SORCS2: variants seen among roughly 807,000 people sequenced by gnomAD.
SORCS2 encodes sortilin related VPS10 domain containing receptor 2.
In SORCS2, 100 loss-of-function variants were observed where a neutral mutation model predicts 141.6. That is an observed-to-expected ratio of 0.71 (90% confidence interval 0.60 to 0.83). SORCS2 has a LOEUF of 0.83. SORCS2 is among the 40% of genes least tolerant of loss of function. SORCS2 has a pLI of 0.00. For synonymous variants in SORCS2, 789 were observed against 676.9 expected, an observed-to-expected ratio of 1.17 and a Z score of -2.57; for missense variants, 1,646 against 1,560.2, an observed-to-expected ratio of 1.05 and a Z score of -0.93.
At chr4:7,571,686 TG>T (rs1040090695) in intron 3 of SORCS2, among the ~76,000 whole-genome samples, 2 of 151,734 alleles carry the variant, frequency 1.3e-5, no homozygotes, top group Admixed American at 1.3e-4. Flanking sequence ...CCGAAGAAAT[TG>T]GGGGCCTGTG....
intron 11 of SORCS2, among the ~76,000 whole-genome samples, chr4:7,693,269 C>A (rs1030892245): frequency 2.0e-5 from 3 of 152,212 alleles, no homozygotes; most frequent in African/African-American, 7.2e-5. Flanking sequence ...CTGAGTTATA[C>A]CCTGTGAGAT....
At chr4:7,208,032 C>T (rs993908883) in intron 1 of SORCS2, among the ~76,000 whole-genome samples, 2 of 152,110 alleles carry the variant, frequency 1.3e-5, no homozygotes, top group Non-Finnish European at 2.9e-5. Context: ...AGGATCCCAC[C>T]TCCCCCAGTG....
In SORCS2 at chr4:7,357,153, C is replaced by T. The variant is rs571024755; in HGVS notation, c.481-39135C>T. Reference sequence around the variant, plus strand: ...GTGCAGCCACACTTCCTCCTCCACCCGTGACCTTGAGTGTACAGCTGGGGT... The same window carrying T: ...GTGCAGCCACACTTCCTCCTCCACCTGTGACCTTGAGTGTACAGCTGGGGT... On this transcript the variant is annotated intron_variant, in intron 1 of 26. Coordinates refer to ENST00000507866, the MANE Select transcript of SORCS2 (RefSeq NM_020777.3). Among the ~76,000 whole-genome samples, 9 of 152,266 alleles carry T rather than the reference C, an allele frequency of 5.9e-5. No individual in the cohort carries two copies. The East Asian group carries it at 1.4e-3, about 23-fold the overall frequency.
intron 4 of SORCS2, 39 bp downstream of exon 4, chr4:7,638,531 TG>T: frequency 1.9e-6 from 3 of 1,578,704 alleles, no homozygotes; most frequent in East Asian, 2.3e-5. Flanking sequence ...TCTGTGGGGC[TG>T]GGGTCTGCTC....
At chr4:7,606,651 T>C (rs1221282933) in intron 3 of SORCS2, among the ~76,000 whole-genome samples, 4 of 152,122 alleles carry the variant, frequency 2.6e-5, no homozygotes, top group Non-Finnish European at 5.9e-5. Flanking sequence ...TGTTTGGGTC[T>C]GCATTATCCT....
At chr4:7,627,193 C>T (rs1469687677) in intron 3 of SORCS2, among the ~76,000 whole-genome samples, 1 of 152,146 alleles carries the variant, frequency 6.6e-6, no homozygotes, top group Non-Finnish European at 1.5e-5. Flanking sequence ...CCTTGTTGCC[C>T]AGGCTGGTCT....
chr4:7,704,051 A>G, intron 13 of SORCS2, 126 bp from the exon 14 acceptor site: 2 of 738,348 alleles, frequency 2.7e-6, no homozygotes, highest in South Asian at 3.0e-5. Context: ...CAGATGTGGT[A>G]TCACCTGCAC....
intron 3 of SORCS2, among the ~76,000 whole-genome samples, chr4:7,555,080 G>C (rs997417298): frequency 2.6e-5 from 4 of 152,180 alleles, no homozygotes; most frequent in African/African-American, 9.7e-5. Flanking sequence ...TCCTTGTTCA[G>C]GTTTCTCTCT....
chr4:7,697,469 C>T (rs1470224223), intron 12 of SORCS2, among the ~76,000 whole-genome samples, 195 bp downstream of exon 12: 3 of 152,234 alleles, frequency 2.0e-5, no homozygotes, highest in African/African-American at 7.2e-5. Flanking sequence ...GTTTGAAAAG[C>T]AAGTCCAGGC....
At chr4:7,350,279 A>G (rs1339623550) in intron 1 of SORCS2, among the ~76,000 whole-genome samples, 2 of 152,226 alleles carry the variant, frequency 1.3e-5, no homozygotes, top group Non-Finnish European at 2.9e-5. Flanking sequence ...AGCATCCACA[A>G]TTAGGGGACA....
intron 1 of SORCS2, among the ~76,000 whole-genome samples, chr4:7,352,010 C>A (rs1371635909): frequency 1.3e-5 from 2 of 152,056 alleles, no homozygotes; most frequent in African/African-American, 2.4e-5. Context: ...ACCCATCCAC[C>A]CCTTAATCCA....
chr4:7,710,132 G>A (rs1455606578), intron 14 of SORCS2, among the ~76,000 whole-genome samples: 2 of 152,198 alleles, frequency 1.3e-5, no homozygotes, highest in East Asian at 1.9e-4. Flanking sequence ...GCTCAGAACA[G>A]CGGTGAGACT....
intron 2 of SORCS2, among the ~76,000 whole-genome samples, chr4:7,458,705 G>A (rs549572243): frequency 6.6e-6 from 1 of 152,298 alleles, no homozygotes; most frequent in South Asian, 2.1e-4. Context: ...AGGTGACCGA[G>A]ACAAGGTCCC....
At chr4:7,555,602 C>A (rs1435423150) in intron 3 of SORCS2, among the ~76,000 whole-genome samples, 2 of 152,234 alleles carry the variant, frequency 1.3e-5, no homozygotes, top group Non-Finnish European at 2.9e-5. Flanking sequence ...ACAGACATAG[C>A]CCCTGCTCTC....
chr4:7,258,773 A>G (rs966753126), intron 1 of SORCS2, among the ~76,000 whole-genome samples: 6 of 152,194 alleles, frequency 3.9e-5, no homozygotes, highest in African/African-American at 1.4e-4. Flanking sequence ...ACGGTGGGAA[A>G]CATCCTCTCC....
chr4:7,731,875 C>T (rs75325750), intron 23 of SORCS2, among the ~76,000 whole-genome samples: 3 of 152,160 alleles, frequency 2.0e-5, no homozygotes, highest in Non-Finnish European at 2.9e-5. Context: ...TAGTGAAAAA[C>T]TATGCATCAG....
At chr4:7,701,156 C>T (rs532803972) in intron 12 of SORCS2, among the ~76,000 whole-genome samples, 1 of 151,642 alleles carries the variant, frequency 6.6e-6, no homozygotes, top group Non-Finnish European at 1.5e-5. Context: ...ACCTGACAGA[C>T]CCCCACTCTA....
At chr4:7,633,814 G>A (rs1192057094) in intron 3 of SORCS2, among the ~76,000 whole-genome samples, 9 of 59,528 alleles carry the variant, frequency 1.5e-4, no homozygotes, top group African/African-American at 3.2e-4. Flanking sequence ...CGGGATTAAC[G>A]GCCAGCTCCG....
At chr4:7,239,532 A>G (rs767190989) in intron 1 of SORCS2, among the ~76,000 whole-genome samples, 5 of 152,120 alleles carry the variant, frequency 3.3e-5, no homozygotes, top group Non-Finnish European at 7.3e-5. Context: ...AGCTACTGTC[A>G]CCAGGCTGCT....
Sources: gnomAD v4.1 joint callset for allele counts (sites outside exome capture counted in the v4.1 genomes callset) on GRCh38, gnomAD v4.1.1 for gene constraint, MANE v1.5 for transcripts, NCBI Gene and HGNC (gene_info 2026-07-23, HGNC 2026-07-21) for gene names.